SVEP1: variants seen among roughly 807,000 people sequenced by gnomAD.
SVEP1 encodes the protein sushi, von Willebrand factor type A, EGF and pentraxin domain containing 1.
SVEP1 carries 164 observed loss-of-function variants against 367.3 expected under a neutral mutation model. The observed-to-expected ratio is 0.45, with a 90% CI of 0.39 to 0.51. SVEP1 has a LOEUF of 0.51. SVEP1 is among the 20% of genes least tolerant of loss of function. The pLI is 0.00. For synonymous variants in SVEP1, 1,666 were observed against 1,611.6 expected (o/e 1.03, Z -0.81); for missense variants, 4,117 against 4,425.3 (o/e 0.93, Z 1.98).
chr9:110,549,042 C>T (rs1209278764), intron 2 of SVEP1, among the ~76,000 whole-genome samples: 1 of 152,052 alleles, frequency 6.6e-6, no homozygotes, highest in Non-Finnish European at 1.5e-5. Flanking sequence ...ACTCATGTTG[C>T]CATGGTTTTC....
intron 1 of SVEP1, among the ~76,000 whole-genome samples, chr9:110,569,189 T>A (rs1830525973): frequency 6.6e-6 from 1 of 151,620 alleles, no homozygotes; most frequent in African/African-American, 2.4e-5. Context: ...TGCTATAGGA[T>A]GGGCAATTTA....
At chr9:110,393,313 GCATATAC>G (rs1827696897) in intron 40 of SVEP1, among the ~76,000 whole-genome samples, 1 of 152,184 alleles carries the variant, frequency 6.6e-6, no homozygotes, top group Admixed American at 6.5e-5. Flanking sequence ...GTCCCAGACT[GCATATAC>G]CTATCATATG....
chr9:110,394,640 T>C (rs1189820090), intron 40 of SVEP1, among the ~76,000 whole-genome samples: 1 of 151,980 alleles, frequency 6.6e-6, no homozygotes, highest in African/African-American at 2.4e-5. Context: ...GAATAACCAA[T>C]GCAGAGAAGT....
intron 27 of SVEP1, 89 bp downstream of exon 27, chr9:110,443,456 A>G (rs1828543896): frequency 1.7e-6 from 2 of 1,170,494 alleles, no homozygotes; most frequent in Non-Finnish European, 2.2e-6. Flanking sequence ...TTTGAAACCA[A>G]GAACAACAAT....
intron 40 of SVEP1, among the ~76,000 whole-genome samples, chr9:110,400,394 C>T (rs1008770076): frequency 1.5e-4 from 22 of 149,480 alleles, no homozygotes; most frequent in African/African-American, 5.2e-4. Context: ...TTGAGATGGT[C>T]TCACTCTTGC....
chr9:110,436,064 A>G (rs1432374516), intron 28 of SVEP1, among the ~76,000 whole-genome samples: 2 of 151,946 alleles, frequency 1.3e-5, no homozygotes, highest in East Asian at 1.9e-4. Flanking sequence ...GATTTGAAGC[A>G]TTATTCTTTA....
chr9:110,448,152 C>CGTGTGT (rs369931491), intron 24 of SVEP1, among the ~76,000 whole-genome samples: 1 of 138,752 alleles, frequency 7.2e-6, no homozygotes, highest in Non-Finnish European at 1.6e-5. Context: ...TGTGTGTGCG[C>CGTGTGT]GTGTGTGTGT....
intron 40 of SVEP1, among the ~76,000 whole-genome samples, chr9:110,392,133 T>TTTTATATATATACATATATATATA: frequency 1.0e-5 from 1 of 99,636 alleles, no homozygotes; most frequent in Admixed American, 1.0e-4. Flanking sequence ...CAATTCCTCA[T>TTTTATATATATACATATATATATA]TATATATATA....
At chr9:110,486,529 T>TTC (rs531140626) in intron 9 of SVEP1, among the ~76,000 whole-genome samples, 6 of 151,004 alleles carry the variant, frequency 4.0e-5, no homozygotes, top group African/African-American at 1.2e-4. Flanking sequence ...TGTATTTTCT[T>TTC]TCTCTCTCTC....
chr9:110,476,841 G>T (rs1829102876), intron 13 of SVEP1, among the ~76,000 whole-genome samples: 1 of 152,122 alleles, frequency 6.6e-6, no homozygotes, highest in East Asian at 1.9e-4. Context: ...CCTGAAGGTG[G>T]AGGAAGGTCC....
intron 43 of SVEP1, among the ~76,000 whole-genome samples, chr9:110,382,759 T>C (rs897378303): frequency 4.6e-5 from 7 of 152,238 alleles, no homozygotes; most frequent in Non-Finnish European, 1.0e-4. Context: ...GTTTTGTTCA[T>C]TCCTTTCATT....
At chr9:110,398,611 C>T (rs1449345732) in intron 40 of SVEP1, among the ~76,000 whole-genome samples, 7 of 151,950 alleles carry the variant, frequency 4.6e-5, no homozygotes, top group Non-Finnish European at 8.8e-5. Flanking sequence ...AGGGCTAATA[C>T]CCAGAATCTA....
At chr9:110,501,940 TGCTTTTACA>T (rs1183134700) in intron 6 of SVEP1, among the ~76,000 whole-genome samples, 1 of 152,156 alleles carries the variant, frequency 6.6e-6, no homozygotes, top group Admixed American at 6.5e-5. Context: ...CTAGTATATT[TGCTTTTACA>T]GCTTTTACAG....
intron 1 of SVEP1, 50 bp from the exon 2 acceptor site, chr9:110,550,154 T>G: frequency 6.2e-7 from 1 of 1,600,928 alleles, no homozygotes. Flanking sequence ...TCTTGCCTAC[T>G]GTGTGCTTCT....
Position 110,404,342 on chromosome 9 carries a change from G to A in SVEP1, c.9651C>T (p.Asn3217=). ...AGAATCTTACCTGACATACTGATAT[G>A]TTAACTCCCTCAAAGGTATACCCTT... ...CAEGYTFEGV[N]ISVCQLDGTW... The change falls in exon 39 of 48, where the codon AAC becomes AAT. Residue 3217 remains asparagine, a synonymous_variant. Transcript: ENST00000374469. 3 of 1,613,902 alleles carry A rather than the reference G, an allele frequency of 1.9e-6. No homozygotes were observed. Among genetic ancestry groups the A allele is most frequent in the Non-Finnish European group, 2.5e-6 (3 of 1,179,842 alleles).
chr9:110,578,647 T>C (rs910858329), intron 1 of SVEP1, among the ~76,000 whole-genome samples: 2 of 152,182 alleles, frequency 1.3e-5, no homozygotes, highest in African/African-American at 2.4e-5. Context: ...TAGGTTTATA[T>C]CACTCCATGT....
At chr9:110,479,530 A>G in intron 13 of SVEP1, 105 bp downstream of exon 13, 4 of 1,356,890 alleles carry the variant, frequency 2.9e-6, no homozygotes, top group Non-Finnish European at 3.9e-6. Flanking sequence ...TGTCTGGATC[A>G]CAAAGAAGAG....
In SVEP1 at chr9:110,429,219, T is replaced by C. The variant is rs377351269; in HGVS notation, c.5731A>G (p.Ile1911Val). The C allele has an allele frequency of 4.9e-5, 79 of 1,596,456 alleles. No homozygotes were observed. The East Asian group carries it at 1.7e-3, about 34-fold the overall frequency. ...EPVKCSSPEN[I>V]NNGKYILSGL... ...CTCAAAATATATTTTCCATTATTTATATTTTCCGGACTAGAACACTTCACT... is the reference window on the plus strand; with the variant it reads ...CTCAAAATATATTTTCCATTATTTACATTTTCCGGACTAGAACACTTCACT... Residue 1911 changes from isoleucine to valine, a missense_variant, in exon 35 of 48, where the codon ATA becomes GTA. This residue lies in a region of SVEP1 where 2,174 missense variants were observed against 2,494.3 expected (regional missense o/e 0.87). Coordinates refer to ENST00000374469, the MANE Select transcript of SVEP1 (RefSeq NM_153366.4).
chr9:110,490,630 T>A (rs901404856), intron 8 of SVEP1, among the ~76,000 whole-genome samples: 9 of 152,114 alleles, frequency 5.9e-5, no homozygotes, highest in Non-Finnish European at 8.8e-5. Flanking sequence ...TAGAGTTCCA[T>A]GAACAGAATT....
Sources: allele counts gnomAD v4.1 joint callset (sites outside exome capture counted in the v4.1 genomes callset), GRCh38; gene constraint gnomAD v4.1.1; regional missense constraint gnomAD v4.1.1; transcripts MANE v1.5; gene names NCBI Gene and HGNC (gene_info 2026-07-23, HGNC 2026-07-21).